Variants in FHAD1 observed in about 807,000 individuals in gnomAD.
FHAD1 encodes the protein forkhead associated phosphopeptide binding domain 1.
FHAD1 carries 146 observed loss-of-function variants against 191.3 expected under a neutral mutation model. That is an observed-to-expected ratio of 0.76 (90% CI 0.67 to 0.88). The LOEUF is 0.88. Ranked by LOEUF, FHAD1 falls within the 40% of genes least tolerant of loss-of-function variation. FHAD1 has a pLI of 0.00. For synonymous variants in FHAD1, 616 were observed against 672.3 expected (o/e 0.92, Z 1.29); for missense variants, 1,635 against 1,785.8 (o/e 0.92, Z 1.52).
chr1:15,353,733 A>G (rs1278927133), intron 20 of FHAD1, among the ~76,000 whole-genome samples: 1 of 126,444 alleles, frequency 7.9e-6, no homozygotes, highest in East Asian at 2.0e-4. Flanking sequence ...AAAAGAAAAG[A>G]AAAAAAAAAA....
At chr1:15,347,823 T>G (rs1288420182) in intron 18 of FHAD1, among the ~76,000 whole-genome samples, 1 of 152,230 alleles carries the variant, frequency 6.6e-6, no homozygotes, top group Non-Finnish European at 1.5e-5. Flanking sequence ...GGTCATAATC[T>G]GGGTCTTGAG....
Position 15,251,846 on chromosome 1 carries a change from G to A in FHAD1, c.62G>A (p.Gly21Glu). 1 of 1,552,320 alleles carries A rather than the reference G, an allele frequency of 6.4e-7. No individual in the cohort carries two copies. The highest frequency in any genetic ancestry group is 8.7e-7 in the Non-Finnish European group (1 of 1,147,110). The stretch of plus-strand genomic sequence containing the variant: ...GTCCTAAATAAAAGTACCACAATTG[G>A]AAGGCATGAAAATTCAGACCTTGTT... ...FFVLNKSTTI[G>E]RHENSDLVLQ... Residue 21 changes from glycine (G) to glutamate (E), a missense_variant, in exon 2 of 34, where the codon GGA becomes GAA. By Grantham distance (98) the Gly-to-Glu change is moderately conservative. Coordinates refer to ENST00000688493, the MANE Select transcript of FHAD1 (RefSeq NM_001391957.1).
In FHAD1 at chr1:15,349,082, A is replaced by G. The variant is rs1430947223; in HGVS notation, c.2387A>G (p.Lys796Arg). ...ATAGCCCATGAAAAAAGAAAAGCAA[A>G]GGAAGCCTTGGAGTCGGAAAAGAGA... ...SSIAHEKRKA[K>R]EALESEKRKV... The change falls in exon 19 of 34, where the codon AAG becomes AGG. Residue 796 changes from lysine to arginine, a missense_variant. Transcript: ENST00000688493. 6 of 1,551,666 alleles carry G rather than the reference A, an allele frequency of 3.9e-6. No individual in the cohort carries two copies. The East Asian group carries it at 1.5e-4, about 38-fold the overall frequency.
intron 3 of FHAD1, among the ~76,000 whole-genome samples, chr1:15,285,448 G>A (rs554647301): frequency 1.8e-4 from 28 of 152,250 alleles, no homozygotes; most frequent in African/African-American, 6.5e-4. Flanking sequence ...CAGGAGAATC[G>A]CTGGAACCCA....
At chr1:15,275,183 C>G (rs1032135881) in intron 3 of FHAD1, among the ~76,000 whole-genome samples, 2 of 152,142 alleles carry the variant, frequency 1.3e-5, no homozygotes, top group African/African-American at 4.8e-5. Context: ...AGGATGGTCT[C>G]GATCTCCTGA....
chr1:15,286,797 T>C (rs951892244), intron 3 of FHAD1, among the ~76,000 whole-genome samples: 1 of 152,196 alleles, frequency 6.6e-6, no homozygotes, highest in Non-Finnish European at 1.5e-5. Flanking sequence ...GCAGAAGTGT[T>C]ACCCTTGAGA....
intron 32 of FHAD1, among the ~76,000 whole-genome samples, chr1:15,388,741 T>A (rs1300758468): frequency 6.6e-6 from 1 of 152,014 alleles, no homozygotes; most frequent in African/African-American, 2.4e-5. Flanking sequence ...CAGTTCACAG[T>A]GTCCATGAGA....
At chr1:15,340,185 CT>C (rs1569700308) in intron 15 of FHAD1, among the ~76,000 whole-genome samples, 3 of 152,194 alleles carry the variant, frequency 2.0e-5, no homozygotes, top group Admixed American at 2.0e-4. Flanking sequence ...GTACAGCTAT[CT>C]ATAGCACAGG....
intron 26 of FHAD1, among the ~76,000 whole-genome samples, chr1:15,373,324 C>G (rs182469279): frequency 7.0e-6 from 1 of 143,706 alleles, no homozygotes; most frequent in Non-Finnish European, 1.5e-5. Flanking sequence ...GCCTGGCCAA[C>G]GTGGTGAAAC....
intron 6 of FHAD1, among the ~76,000 whole-genome samples, chr1:15,307,375 A>T (rs1441024114): frequency 6.6e-6 from 1 of 152,178 alleles, no homozygotes; most frequent in Non-Finnish European, 1.5e-5. Context: ...TAATGCTGAA[A>T]TGAGTTAAGA....
At chr1:15,265,276 C>T (rs930964421) in intron 2 of FHAD1, among the ~76,000 whole-genome samples, 1 of 152,098 alleles carries the variant, frequency 6.6e-6, no homozygotes, top group Admixed American at 6.5e-5. Flanking sequence ...AGGGAATGAA[C>T]ACAAAGTGCT....
chr1:15,250,221 A>G (rs951374046), intron 1 of FHAD1, among the ~76,000 whole-genome samples: 4 of 152,256 alleles, frequency 2.6e-5, no homozygotes, highest in African/African-American at 9.6e-5. Context: ...GAGGTGGAGG[A>G]TATCACACTG....
chr1:15,347,603 A>G (rs1689369621), intron 18 of FHAD1, among the ~76,000 whole-genome samples: 1 of 152,182 alleles, frequency 6.6e-6, no homozygotes, highest in Admixed American at 6.5e-5. Context: ...GTGCACCACC[A>G]TGCCTGGCTA....
chr1:15,252,729 G>A (rs1260131795), intron 2 of FHAD1, among the ~76,000 whole-genome samples: 1 of 152,210 alleles, frequency 6.6e-6, no homozygotes, highest in Admixed American at 6.5e-5. Context: ...GCCCCTCAGA[G>A]GCCAGGGAGG....
chr1:15,294,363 T>C (rs192021924), intron 4 of FHAD1, among the ~76,000 whole-genome samples: 2 of 152,314 alleles, frequency 1.3e-5, no homozygotes, highest in Admixed American at 1.3e-4. Context: ...CTGCTGACAT[T>C]TGGGGCCAGA....
chr1:15,380,785 A>G lies in FHAD1; in HGVS notation c.3790A>G (p.Ser1264Gly), dbSNP rs1014781198. Residue 1264 changes from serine to glycine, a missense_variant, in exon 29 of 34, where the codon AGT (serine) becomes GGT (glycine). Coordinates refer to ENST00000688493, the MANE Select transcript of FHAD1 (RefSeq NM_001391957.1). ...KMDVAEALEL[S>G]EKLYLDMSKT... is the part of the protein sequence containing the mutation. ...GGATGTGGCTGAGGCTTTAGAGCTC[A>G]GTGAAAAGCTGGTATGTACATCCAG... is the stretch of plus-strand genomic sequence containing the variant. The G allele has an allele frequency of 1.2e-5, 18 of 1,551,498 alleles. No individual in the cohort carries two copies. The African/African-American group carries it at 1.9e-4, about 17-fold the overall frequency.
intron 2 of FHAD1, among the ~76,000 whole-genome samples, chr1:15,263,996 G>A (rs1652319606): frequency 6.6e-6 from 1 of 152,124 alleles, no homozygotes; most frequent in Non-Finnish European, 1.5e-5. Flanking sequence ...TATGTGTCTG[G>A]CATAAATGCT....
At chr1:15,243,526 G>A (rs569279721), upstream of FHAD1, among the ~76,000 whole-genome samples, 1 of 152,336 alleles carries the variant, frequency 6.6e-6, no homozygotes, top group Admixed American at 6.5e-5. Flanking sequence ...GGAATGCAAG[G>A]GCAGCAGGAG....
chr1:15,361,011 A>G (rs1012390749), intron 22 of FHAD1, among the ~76,000 whole-genome samples: 14 of 152,216 alleles, frequency 9.2e-5, no homozygotes, highest in African/African-American at 3.1e-4. Flanking sequence ...TCTTTTCCAC[A>G]TGAAAACATC....
Sources: allele counts gnomAD v4.1 joint callset (sites outside exome capture counted in the v4.1 genomes callset), GRCh38; gene constraint gnomAD v4.1.1; transcripts MANE v1.5; gene names NCBI Gene and HGNC (gene_info 2026-07-23, HGNC 2026-07-21).